Variants in HNRNPL observed in about 807,000 individuals in gnomAD.
The protein encoded by HNRNPL is epididymis secretory sperm binding protein.
Under a neutral mutation model 64.0 loss-of-function variants are expected in HNRNPL, and 12 were observed. That is an observed-to-expected ratio of 0.19 (90% CI 0.12 to 0.30). The LOEUF is 0.30. Ranked by LOEUF, HNRNPL falls within the 10% of genes least tolerant of loss-of-function variation. The pLI is 1.00. For missense variants in HNRNPL, 484 were observed against 797.4 expected, an observed-to-expected ratio of 0.61 and a Z score of 4.73; for synonymous variants, 385 against 313.0, an observed-to-expected ratio of 1.23 and a Z score of -2.43.
intron 1 of HNRNPL, 144 bp from the exon 2 acceptor site, chr19:38,847,578 T>C (rs1439367876): frequency 1.4e-5 from 6 of 433,200 alleles, no homozygotes; most frequent in Non-Finnish European, 2.1e-5. Context: ...GGGGCAGCAA[T>C]TGAAGCCAAT....
At chr19:38,840,714 C>A in intron 6 of HNRNPL, 155 bp from the exon 7 acceptor site, 1 of 662,098 alleles carries the variant, frequency 1.5e-6, no homozygotes, top group Non-Finnish European at 2.6e-6. Flanking sequence ...ATCTGACCTA[C>A]GGCGGGCATG....
chr19:38,845,526 A>G, intron 4 of HNRNPL, 124 bp downstream of exon 4: 1 of 754,844 alleles, frequency 1.3e-6, no homozygotes, highest in Non-Finnish European at 2.3e-6. Flanking sequence ...GGCTCTGTGA[A>G]GGCATCTGGC....
Position 38,849,685 on chromosome 19 carries a change from G to C in HNRNPL, c.267+15C>G. The C allele has an allele frequency of 1.5e-6, 2 of 1,326,270 alleles. No individual in the cohort carries two copies. The highest frequency in any genetic ancestry group is 2.1e-5 in the South Asian group (1 of 47,950). The allele number at this position is 1,326,270 out of a possible 1,614,324, so 82.2% of individuals were successfully genotyped here. ...CAGTTCCCGGCCTTCCCAGCGCCTA[G>C]GGCCCTGGCCTCACCCCACCGCCGC... On this transcript the variant is annotated intron_variant, in intron 1 of 12. Coordinates refer to ENST00000221419, the MANE Select transcript of HNRNPL (RefSeq NM_001533.3).
chr19:38,838,607 AG>A lies in HNRNPL; in HGVS notation c.1356-10del, dbSNP rs766323005. On this transcript the variant is annotated splice_polypyrimidine_tract_variant and intron_variant, in intron 9 of 12. Transcript: ENST00000221419. ...CTGGCTGCTTGGAGACACTGCAGCA[AG>A]GAAGAAAGGGGAGCCTTTGTCATAC... 2.1e-5 allele frequency: 34 copies of A among 1,612,534 alleles called. No individual in the cohort carries two copies. In the African/African-American group the frequency reaches 4.0e-4, roughly 19 times the overall value.
upstream of HNRNPL, among the ~76,000 whole-genome samples, chr19:38,851,996 C>T (rs553836885): frequency 3.0e-4 from 45 of 151,892 alleles, no homozygotes; most frequent in African/African-American, 1.1e-3. Context: ...GGGGTCGCTC[C>T]GTCCCAACGT....
chr19:38,844,168 G>A (rs997210556), intron 4 of HNRNPL, 64 bp from the exon 5 acceptor site: 4 of 1,090,244 alleles, frequency 3.7e-6, no homozygotes, highest in East Asian at 2.4e-5. Flanking sequence ...AGTTACCCCA[G>A]AGTGTGATAA....
At chr19:38,840,039 C>T (rs1972057604) in intron 8 of HNRNPL, 57 bp downstream of exon 8, 8 of 1,562,606 alleles carry the variant, frequency 5.1e-6, no homozygotes, top group Non-Finnish European at 7.0e-6. Flanking sequence ...CTTTCCCGTG[C>T]TGACTGGCAA....
chr19:38,847,536 G>A (rs367682573), intron 1 of HNRNPL, 102 bp from the exon 2 acceptor site: 6 of 601,334 alleles, frequency 1.0e-5, no homozygotes, highest in East Asian at 3.1e-5. Flanking sequence ...AACAGTTGGA[G>A]GTCATCCGTG....
intron 1 of HNRNPL, 122 bp downstream of exon 1, chr19:38,849,578 C>A: frequency 8.1e-7 from 1 of 1,235,234 alleles, no homozygotes; most frequent in Non-Finnish European, 1.0e-6. Flanking sequence ...TCCCCCACAC[C>A]GTCAACGACG....
intron 1 of HNRNPL, among the ~76,000 whole-genome samples, chr19:38,848,653 G>T (rs1972387333): frequency 6.6e-6 from 1 of 152,194 alleles, no homozygotes; most frequent in Non-Finnish European, 1.5e-5. Context: ...CTCCCGCCAG[G>T]TTAGCAGCTC....
intron 8 of HNRNPL, chr19:38,839,283 CA>C (rs1232204753): frequency 4.5e-6 from 2 of 441,400 alleles, no homozygotes; most frequent in African/African-American, 4.0e-5. Flanking sequence ...AATCAGAAAT[CA>C]AATCAGCCAT....
chr19:38,847,904 T>A (rs1393884556), intron 1 of HNRNPL, among the ~76,000 whole-genome samples: 1 of 152,242 alleles, frequency 6.6e-6, no homozygotes, highest in East Asian at 1.9e-4. Context: ...GCCACCATCA[T>A]CTAGCTAAGC....
chr19:38,838,026 C>G (rs965949010), intron 10 of HNRNPL, among the ~76,000 whole-genome samples: 2 of 152,244 alleles, frequency 1.3e-5, no homozygotes, highest in Non-Finnish European at 2.9e-5. Flanking sequence ...TTTACAGGGC[C>G]CCACCTTCTG....
At chr19:38,843,770 A>C (rs1349345384) in intron 6 of HNRNPL, 72 bp downstream of exon 6, 1 of 1,274,066 alleles carries the variant, frequency 7.8e-7, no homozygotes, top group Non-Finnish European at 1.1e-6. Context: ...CCCTGAGCCC[A>C]GGCCTATTAA....
chr19:38,852,224 C>T (rs1051151824), upstream of HNRNPL: 6 of 146,334 alleles, frequency 4.1e-5, no homozygotes, highest in African/African-American at 1.2e-4. Context: ...CGGACCCTGG[C>T]CCCCGGCCGC....
intron 10 of HNRNPL, 76 bp downstream of exon 10, chr19:38,838,321 A>T (rs892098333): frequency 1.6e-6 from 2 of 1,269,916 alleles, no homozygotes; most frequent in African/African-American, 2.9e-5. Flanking sequence ...CTATTTGCAG[A>T]AAAGACTGAA....
At chr19:38,848,989 G>T (rs1240696137) in intron 1 of HNRNPL, among the ~76,000 whole-genome samples, 1 of 152,074 alleles carries the variant, frequency 6.6e-6, no homozygotes, top group Non-Finnish European at 1.5e-5. Context: ...GTTTTCGGAG[G>T]GACTGATTAC....
At chr19:38,849,569 C>G in intron 1 of HNRNPL, 131 bp downstream of exon 1, 1 of 1,203,878 alleles carries the variant, frequency 8.3e-7, no homozygotes, top group Non-Finnish European at 1.1e-6. Flanking sequence ...GGCCGCCCCT[C>G]CCCCACACCG....
rs895487837 is a variant in HNRNPL, at chr19:38,840,016, C to G, written c.1233+80G>C. On this transcript the variant is annotated intron_variant, in intron 8 of 12. Coordinates refer to ENST00000221419, the MANE Select transcript of HNRNPL (RefSeq NM_001533.3). ...TCTGCCCGCCCAGCGCCACACCAGG[C>G]TCCCCCCTGGTTCTTTCCCGTGCTG... 3 of 1,374,972 alleles carry G rather than the reference C, an allele frequency of 2.2e-6. No individual in the cohort carries two copies. The Admixed American group carries it at 5.2e-5, about 24-fold the overall frequency. 85.2% of individuals were successfully genotyped at this position (1,374,972 alleles called of 1,614,324 possible).
Sources: allele counts gnomAD v4.1 joint callset (sites outside exome capture counted in the v4.1 genomes callset), GRCh38; gene constraint gnomAD v4.1.1; transcripts MANE v1.5; gene names NCBI Gene and HGNC (gene_info 2026-07-23, HGNC 2026-07-21).